Variants in CFAP126 observed in about 807,000 individuals in gnomAD.
CFAP126 encodes protein Flattop.
Under a neutral mutation model 17.1 loss-of-function variants are expected in CFAP126, and 21 were observed. The observed-to-expected ratio is 1.23, with a 90% confidence interval of 0.87 to 1.77. CFAP126 has a LOEUF of 1.77. Ranked by LOEUF, CFAP126 falls within the 40% of genes most tolerant of loss-of-function variation. CFAP126 has a pLI of 0.00. For missense variants in CFAP126, 174 were observed against 215.4 expected (o/e 0.81, Z 1.20); for synonymous variants, 65 against 73.5 (o/e 0.88, Z 0.59).
At chr1:161,367,040 G>T (rs1672751989) in intron 1 of CFAP126, 1 of 154,064 alleles carries the variant, frequency 6.5e-6, no homozygotes, top group Non-Finnish European at 1.4e-5. Flanking sequence ...CTCCCAAAGT[G>T]TTGGGATTAC....
At position 161,364,792 on chromosome 1, in the gene CFAP126, T is replaced by A. The variant is rs533198944; in HGVS notation, c.*173A>T. 2 of 597,334 alleles carry A rather than the reference T, an allele frequency of 3.3e-6. No homozygotes were observed. Among genetic ancestry groups the A allele is most frequent in the African/African-American group, 3.8e-5 (2 of 53,158 alleles). 37.0% of individuals were successfully genotyped at this position (597,334 alleles called of 1,614,324 possible). A position where few individuals can be genotyped will look rare whatever the true frequency, so the allele number is the denominator to read the frequency against. On this transcript the variant is annotated 3_prime_UTR_variant, in exon 5 of 5. Transcript: ENST00000367974. ...TTGCTTTTACTCCCACCCCAAAATT[T>A]CCCTGTTTCACAGTTCTGACTGGGG...
intron 3 of CFAP126, 169 bp downstream of exon 3, chr1:161,366,029 A>G (rs571591047): frequency 1.5e-6 from 1 of 662,146 alleles, no homozygotes; most frequent in East Asian, 2.7e-5. Flanking sequence ...TGCTAAACAC[A>G]ACTCTATCCT....
Position 161,366,423 on chromosome 1 carries a change from A to G in CFAP126, c.90+16T>C. 1 of 1,611,504 alleles carries G rather than the reference A, an allele frequency of 6.2e-7. No homozygotes were observed. The highest frequency in any genetic ancestry group is 8.5e-7 in the Non-Finnish European group (1 of 1,177,566). On this transcript the variant is annotated intron_variant, in intron 2 of 4. Transcript: ENST00000367974. ...GAGCATGAGGCTATCTTGTAGGTGC[A>G]CTGAACATGGAATACCTCTTTTGTT...
chr1:161,365,532 T>G lies in CFAP126; in HGVS notation c.342A>C (p.Leu114Phe). Reference protein sequence around the residue: ...KASNGLCPEILGKPHDPDSQK... With the variant: ...KASNGLCPEIFGKPHDPDSQK... ...AGATGGGAAGAATAGATACCTTGCC[T>G]AAGATTTCAGGACACAGCCCATTGG... is the stretch of plus-strand genomic sequence containing the variant. The change falls in exon 4 of 5, where the codon TTA (leucine) becomes TTC (phenylalanine). Residue 114 changes from leucine to phenylalanine, a missense_variant. Leu to Phe is a conservative substitution (Grantham distance 22). Transcript: ENST00000367974. 6.2e-7 allele frequency: 1 copy of G among 1,614,154 alleles called. No homozygotes were observed.
At chr1:161,367,105 G>A (rs1326142516) in intron 1 of CFAP126, 3 of 152,252 alleles carry the variant, frequency 2.0e-5, no homozygotes, top group East Asian at 3.9e-4. Flanking sequence ...AAAAAAGAAC[G>A]TAAAATGTCT....
At chr1:161,365,885 TCCCC>T in intron 3 of CFAP126, 183 bp from the exon 4 acceptor site, 2 of 654,078 alleles carry the variant, frequency 3.1e-6, no homozygotes, top group Non-Finnish European at 5.2e-6. Context: ...AATTTTTTCA[TCCCC>T]TTTACTCTGC....
At chr1:161,367,604 A>G (rs988416451) in intron 1 of CFAP126, 1 of 404,242 alleles carries the variant, frequency 2.5e-6, no homozygotes, top group Non-Finnish European at 4.4e-6. Flanking sequence ...TAAAATTTTT[A>G]CACTCCGCCC....
intron 1 of CFAP126, 118 bp downstream of exon 1, chr1:161,367,724 A>G: frequency 1.0e-6 from 1 of 974,510 alleles, no homozygotes; most frequent in African/African-American, 1.6e-5. Flanking sequence ...GTAAAATATT[A>G]TCTCACTCCA....
At position 161,365,644 on chromosome 1, in the gene CFAP126, G is replaced by A; in HGVS notation, c.230C>T (p.Ala77Val). Residue 77 changes from alanine (A) to valine (V), a missense_variant, in exon 4 of 5, where the codon GCT (alanine) becomes GTT (valine). Coordinates refer to ENST00000367974, the MANE Select transcript of CFAP126 (RefSeq NM_001013625.4). ...TGTACGGGAGGTCAGGGTCACCCGA[G>A]CAGGGGGTATCTTCAGAGGCATTTG... is the stretch of plus-strand genomic sequence containing the variant. ...TWQMPLKIPP[A>V]RVTLTSRTTA... is the part of the protein sequence containing the mutation. The A allele has an allele frequency of 6.2e-7, 1 of 1,613,794 alleles. No individual in the cohort carries two copies. Among genetic ancestry groups the A allele is most frequent in the African/African-American group, 1.3e-5 (1 of 75,040 alleles).
intron 3 of CFAP126, 149 bp from the exon 4 acceptor site, chr1:161,365,851 C>G (rs1438128114): frequency 1.2e-6 from 1 of 810,378 alleles, no homozygotes; most frequent in Middle Eastern, 3.7e-4. Flanking sequence ...TTATCCCCCT[C>G]CCTCATTTAG....
Position 161,366,445 on chromosome 1 carries a change from T to C in CFAP126, c.84A>G (p.Thr28=), listed in dbSNP as rs186166919. The C allele has an allele frequency of 5.6e-5, 91 of 1,613,900 alleles. No individual in the cohort carries two copies. In the East Asian group the frequency reaches 1.3e-3, roughly 23 times the overall value. ...TGCACTGAACATGGAATACCTCTTT[T>C]GTTGGCTTAGTGGGAGACCAGTTCT... ...YLQNWSPTKP[T]KESISSHEGY... The change falls in exon 2 of 5, where the codon ACA becomes ACG. Residue 28 remains threonine (T), a synonymous_variant. Coordinates refer to ENST00000367974, the MANE Select transcript of CFAP126 (RefSeq NM_001013625.4).
chr1:161,366,797 T>G, intron 1 of CFAP126: 1 of 362,372 alleles, frequency 2.8e-6, no homozygotes, highest in East Asian at 6.0e-5. Context: ...TTTTTTGAGA[T>G]AGGATCTTGG....
intron 1 of CFAP126, chr1:161,367,544 TGCAAGTA>T (rs1672775263): frequency 5.6e-6 from 2 of 358,124 alleles, no homozygotes; most frequent in Non-Finnish European, 9.9e-6. Flanking sequence ...TCTTTAATTA[TGCAAGTA>T]GCTACAGAAT....
chr1:161,365,320 G>A (rs1672689973), intron 4 of CFAP126, 170 bp from the exon 5 acceptor site: 5 of 910,574 alleles, frequency 5.5e-6, no homozygotes, highest in Non-Finnish European at 6.7e-6. Context: ...CCCACCTTGA[G>A]ATTAGATCAT....
At position 161,365,168 on chromosome 1, in the gene CFAP126, G is replaced by A. The variant is rs115253948; in HGVS notation, c.349-18C>T. ...TCATGGGGCTGTCAGTGATAAGAGT[G>A]GGAGAGATAGTCATGTCTCTGGTCA... On this transcript the variant is annotated intron_variant, in intron 4 of 4. Coordinates refer to ENST00000367974, the MANE Select transcript of CFAP126 (RefSeq NM_001013625.4). 2.2e-5 allele frequency: 36 copies of A among 1,611,208 alleles called. No homozygotes were observed. Among genetic ancestry groups the A allele is most frequent in the Admixed American group, 5.0e-5 (3 of 59,956 alleles).
intron 3 of CFAP126, 56 bp from the exon 4 acceptor site, chr1:161,365,758 G>T (rs1355173431): frequency 4.2e-6 from 6 of 1,422,458 alleles, no homozygotes; most frequent in South Asian, 1.4e-5. Context: ...AACTGACTTA[G>T]ACCTCTGTAT....
rs914982128 is a variant in CFAP126, at chr1:161,365,286, A to G, written c.349-136T>C. 3 of 1,038,790 alleles carry G rather than the reference A, an allele frequency of 2.9e-6. No individual in the cohort carries two copies. In the African/African-American group the frequency reaches 4.9e-5, roughly 17 times the overall value. 64.3% of individuals were successfully genotyped at this position (1,038,790 alleles called of 1,614,324 possible). A position where few individuals can be genotyped will look rare whatever the true frequency, so the allele number is the denominator to read the frequency against. ...TCAAGTTTCAAATAAGAAAAGTTAA[A>G]TTTGATTTCTCTAACCACCCTCCCC... On this transcript the variant is annotated intron_variant, in intron 4 of 4. Coordinates refer to ENST00000367974, the MANE Select transcript of CFAP126 (RefSeq NM_001013625.4).
chr1:161,366,610 T>C, intron 1 of CFAP126, 109 bp from the exon 2 acceptor site: 1 of 976,368 alleles, frequency 1.0e-6, no homozygotes, highest in Non-Finnish European at 1.6e-6. Flanking sequence ...TGACCAACCA[T>C]GTAGGCTTTA....
At chr1:161,365,867 G>T in intron 3 of CFAP126, 165 bp from the exon 4 acceptor site, 1 of 729,588 alleles carries the variant, frequency 1.4e-6, no homozygotes, top group Non-Finnish European at 2.2e-6. Context: ...TTTAGGCTTT[G>T]CAGGCCTAAT....
Sources: gnomAD v4.1 joint callset for allele counts on GRCh38, gnomAD v4.1.1 for gene constraint, MANE v1.5 for transcripts, NCBI Gene and HGNC (gene_info 2026-07-23, HGNC 2026-07-21) for gene names.